CEP76: variants seen among roughly 807,000 people sequenced by gnomAD.
CEP76 encodes the protein centrosomal protein 76.
Under a neutral mutation model 83.3 loss-of-function variants are expected in CEP76, and 55 were observed. The observed-to-expected ratio is 0.66, with a 90% CI of 0.53 to 0.83. CEP76 has a LOEUF of 0.83. Ranked by LOEUF, CEP76 falls within the 40% of genes least tolerant of loss-of-function variation. The pLI, the probability that CEP76 is intolerant of heterozygous loss-of-function variation, is 0.00. For missense variants in CEP76, 694 were observed against 799.5 expected, an observed-to-expected ratio of 0.87 and a Z score of 1.59; for synonymous variants, 270 against 274.5, an observed-to-expected ratio of 0.98 and a Z score of 0.16.
chr18:12,686,510 T>G, intron 7 of CEP76, 60 bp from the exon 8 acceptor site: 1 of 1,186,844 alleles, frequency 8.4e-7, no homozygotes, highest in Non-Finnish European at 1.2e-6. Flanking sequence ...TTATGTTTTT[T>G]TCAAATACAT....
intron 12 of CEP76, chr18:12,663,374 G>A (rs539291568): frequency 6.6e-6 from 1 of 152,226 alleles, no homozygotes; most frequent in East Asian, 1.9e-4. Flanking sequence ...CTAGGTTCAA[G>A]CAGTCCTCCC....
downstream of CEP76, among the ~76,000 whole-genome samples, chr18:12,669,032 CTTTTTT>C (rs71174122): frequency 7.2e-5 from 3 of 41,958 alleles, no homozygotes; most frequent in South Asian, 6.7e-4. Context: ...ACCCCCCGCA[CTTTTTT>C]TTTTTTTTTT....
intron 6 of CEP76, among the ~76,000 whole-genome samples, chr18:12,692,733 T>C (rs2039812768): frequency 6.6e-6 from 1 of 152,252 alleles, no homozygotes; most frequent in Admixed American, 6.5e-5. Context: ...GCTGTCTAGC[T>C]GTCTGCTGCC....
chr18:12,689,781 T>A (rs2039681413), intron 7 of CEP76, among the ~76,000 whole-genome samples: 1 of 151,978 alleles, frequency 6.6e-6, no homozygotes, highest in Non-Finnish European at 1.5e-5. Context: ...TATATATATG[T>A]ATATTTTTTG....
chr18:12,675,548 T>C (rs192089872), intron 10 of CEP76, among the ~76,000 whole-genome samples: 26 of 152,220 alleles, frequency 1.7e-4, no homozygotes, highest in African/African-American at 5.8e-4. Context: ...TTACTGAACA[T>C]GTACTCTATA....
At chr18:12,683,376 A>G (rs2039421149) in intron 8 of CEP76, among the ~76,000 whole-genome samples, 1 of 151,254 alleles carries the variant, frequency 6.6e-6, no homozygotes, top group Non-Finnish European at 1.5e-5. Context: ...GAAAACAACA[A>G]CAACAAAACC....
intron 8 of CEP76, 147 bp from the exon 9 acceptor site, chr18:12,680,975 G>A (rs1176107181): frequency 4.7e-6 from 3 of 638,736 alleles, no homozygotes; most frequent in Non-Finnish European, 7.6e-6. Context: ...AAGGCGGGTG[G>A]ATCACATGAC....
At chr18:12,682,870 C>T (rs1236276534) in intron 8 of CEP76, among the ~76,000 whole-genome samples, 7 of 151,964 alleles carry the variant, frequency 4.6e-5, no homozygotes, top group Admixed American at 3.3e-4. Flanking sequence ...GATCCACCCA[C>T]CTCGGCCTCC....
chr18:12,681,918 C>G (rs1186221987), intron 8 of CEP76, among the ~76,000 whole-genome samples: 1 of 151,694 alleles, frequency 6.6e-6, no homozygotes, highest in African/African-American at 2.4e-5. Flanking sequence ...ATCGCTTGAA[C>G]CTGGGAGGCA....
At chr18:12,680,886 C>A in intron 8 of CEP76, 58 bp from the exon 9 acceptor site, 1 of 1,408,780 alleles carries the variant, frequency 7.1e-7, no homozygotes, top group Non-Finnish European at 9.7e-7. Flanking sequence ...TCATTACATA[C>A]TTAAATACTA....
At chr18:12,676,916 G>A (rs1446373082) in intron 10 of CEP76, among the ~76,000 whole-genome samples, 1 of 152,170 alleles carries the variant, frequency 6.6e-6, no homozygotes, top group African/African-American at 2.4e-5. Context: ...CACCCAAGGT[G>A]AGGAGTGGAA....
intron 9 of CEP76, among the ~76,000 whole-genome samples, chr18:12,680,224 A>T (rs1027410760): frequency 1.3e-5 from 2 of 152,176 alleles, no homozygotes; most frequent in African/African-American, 4.8e-5. Context: ...ATAATCACTG[A>T]AAAGGCTCTA....
rs758260642 is a variant in CEP76, at chr18:12,699,904, T to G, written c.221A>C (p.Asp74Ala). Residue 74 changes from aspartate (D) to alanine (A), a missense_variant and splice_region_variant, in exon 3 of 12, where the codon GAC becomes GCC. Asp to Ala is a moderately radical substitution (Grantham distance 126). Coordinates refer to ENST00000262127, the MANE Select transcript of CEP76 (RefSeq NM_024899.4). Reference sequence around the variant, plus strand: ...GGAAGGGAGTTCTTGCTCAACACTGTCCTAGAAAGGCAGGAAAAAAAAATC... The same window carrying G: ...GGAAGGGAGTTCTTGCTCAACACTGGCCTAGAAAGGCAGGAAAAAAAAATC... ...DVMKELNFVT[D>A]SVEQELPSSP... 1 of 1,579,110 alleles carries G rather than the reference T, an allele frequency of 6.3e-7. No individual in the cohort carries two copies. The highest frequency in any genetic ancestry group is 1.8e-5 in the Admixed American group (1 of 54,094).
At position 12,686,599 on chromosome 18, in the gene CEP76, GT is replaced by G. The variant is rs1328536380; in HGVS notation, c.934-150del. ...CCAGTATTTGGCTGCAAAGTGCTGTGTATATAATTTCCCTTAATCCTCATCT... is the reference window on the plus strand; with the variant it reads ...CCAGTATTTGGCTGCAAAGTGCTGTGATATAATTTCCCTTAATCCTCATCT... On this transcript the variant is annotated intron_variant, in intron 7 of 11. Transcript: ENST00000262127. 6 of 567,488 alleles carry G rather than the reference GT, an allele frequency of 1.1e-5. No individual in the cohort carries two copies. In the East Asian group the frequency reaches 1.9e-4, roughly 18 times the overall value. The allele number at this position is 567,488 out of a possible 1,614,324, so 35.2% of individuals were successfully genotyped here.
At chr18:12,685,079 C>G (rs1268886914) in intron 8 of CEP76, 1 of 152,314 alleles carries the variant, frequency 6.6e-6, no homozygotes, top group Non-Finnish European at 1.5e-5. Flanking sequence ...CAGCTCACCA[C>G]AACCTCCGCC....
At chr18:12,695,077 C>A (rs898306462) in intron 6 of CEP76, among the ~76,000 whole-genome samples, 177 bp downstream of exon 6, 1 of 152,138 alleles carries the variant, frequency 6.6e-6, no homozygotes, top group African/African-American at 2.4e-5. Flanking sequence ...ACAGATTCTG[C>A]TAGGAAAACA....
In CEP76 at chr18:12,702,682, G is replaced by A. The variant is rs1459335187; in HGVS notation, c.-134C>T. 3.0e-6 allele frequency: 3 copies of A among 1,016,714 alleles called. No individual in the cohort carries two copies. The highest frequency in any genetic ancestry group is 2.8e-6 in the Non-Finnish European group (2 of 725,028). The allele number at this position is 1,016,714 out of a possible 1,614,324, so 63.0% of individuals were successfully genotyped here. A position where few individuals can be genotyped will look rare whatever the true frequency, so the allele number is the denominator to read the frequency against. ...AGCCGTTCGCCTAGCGCAGCTCCCG[G>A]GGGACGCAACGCCGCGTCAGGCCGG... On this transcript the variant is annotated 5_prime_UTR_variant, in exon 1 of 12. Coordinates refer to ENST00000262127, the MANE Select transcript of CEP76 (RefSeq NM_024899.4).
chr18:12,668,597 C>CAAAAA (rs752216074), downstream of CEP76, among the ~76,000 whole-genome samples: 766 of 72,702 alleles, frequency 0.011, 47 homozygotes, highest in Non-Finnish European at 0.012. Context: ...GATTCCATCT[C>CAAAAA]AAAAAAAAAA....
At chr18:12,672,546 T>A (rs1280402135), downstream of CEP76, 7 of 514,256 alleles carry the variant, frequency 1.4e-5, no homozygotes, top group Admixed American at 7.1e-5. Flanking sequence ...CTGATTTTTT[T>A]ATCACAATGA....
Sources: gnomAD v4.1 joint callset for allele counts (sites outside exome capture counted in the v4.1 genomes callset) on GRCh38, gnomAD v4.1.1 for gene constraint, MANE v1.5 for transcripts, NCBI Gene and HGNC (gene_info 2026-07-23, HGNC 2026-07-21) for gene names.